CTSV: variants seen among roughly 807,000 people sequenced by gnomAD.
CTSV encodes the protein cathepsin V.
In CTSV, 33 loss-of-function variants were observed where a neutral mutation model predicts 35.6. The observed-to-expected ratio is 0.93, with a 90% confidence interval of 0.70 to 1.24. The LOEUF (loss-of-function observed/expected upper bound fraction) is 1.24, where lower values mean the gene tolerates loss of function less well. Among genes scored for constraint, CTSV ranks in the 50% most tolerant of loss-of-function variants. The pLI is 0.00. For synonymous variants in CTSV, 154 were observed against 147.1 expected, an observed-to-expected ratio of 1.05 and a Z score of -0.34; for missense variants, 408 against 413.1, an observed-to-expected ratio of 0.99 and a Z score of 0.11.
At chr9:97,037,808 T>A in intron 2 of CTSV, 110 bp downstream of exon 2, 1 of 1,462,430 alleles carries the variant, frequency 6.8e-7, no homozygotes, top group Non-Finnish European at 9.4e-7. Context: ...TGCTGTTAGG[T>A]TATTGCCTGG....
intron 5 of CTSV, 86 bp from the exon 6 acceptor site, chr9:97,035,779 T>C (rs756129345): frequency 1.1e-6 from 1 of 886,892 alleles, no homozygotes; most frequent in Non-Finnish European, 1.5e-6. Flanking sequence ...ACTCAGCAAT[T>C]TGCAACCTAG....
rs529873599 is a variant in CTSV, at chr9:97,030,683, G to A, written c.*2266C>T. ...GAAACAAAGGCATGGGGTCTGGCTA[G>A]TTATCTGCAGCAGGAACATGTCCTT... On this transcript the variant is annotated 3_prime_UTR_variant, in exon 8 of 8. Transcript: ENST00000259470. 4.5e-4 allele frequency: 69 copies of A among 152,336 alleles called. No homozygotes were observed. Among genetic ancestry groups the A allele is most frequent in the African/African-American group, 1.6e-3 (68 of 41,576 alleles). The allele number at this position is 152,336 out of a possible 1,614,324, so 9.4% of individuals were successfully genotyped here.
intron 2 of CTSV, 122 bp downstream of exon 2, chr9:97,037,796 G>C (rs1828881734): frequency 7.1e-7 from 1 of 1,405,942 alleles, no homozygotes; most frequent in Admixed American, 1.9e-5. Flanking sequence ...ACCTATAATG[G>C]GTGCTGTTAG....
At position 97,030,639 on chromosome 9, in the gene CTSV, A is replaced by G. The variant is rs1401018344; in HGVS notation, c.*2310T>C. ...GTTTCTATAGATTATAGATTAACTA[A>G]AAGTATTCCTTCCCAAACGAAACAA... On this transcript the variant is annotated 3_prime_UTR_variant, in exon 8 of 8. Coordinates refer to ENST00000259470, the MANE Select transcript of CTSV (RefSeq NM_001333.4). 1 of 152,224 alleles carries G rather than the reference A, an allele frequency of 6.6e-6. No homozygotes were observed. The highest frequency in any genetic ancestry group is 1.5e-5 in the Non-Finnish European group (1 of 68,044). The allele number at this position is 152,224 out of a possible 1,614,324, so 9.4% of individuals were successfully genotyped here.
intron 1 of CTSV, 62 bp from the exon 2 acceptor site, chr9:97,038,115 C>T: frequency 6.7e-7 from 1 of 1,495,878 alleles, no homozygotes; most frequent in Non-Finnish European, 9.2e-7. Flanking sequence ...TCTTACAGCC[C>T]CCGTGGAATA....
Position 97,031,523 on chromosome 9 carries a change from C to T in CTSV, c.*1426G>A, listed in dbSNP as rs908624963. On this transcript the variant is annotated 3_prime_UTR_variant, in exon 8 of 8. Transcript: ENST00000259470. ...ATAAAAATACATGCTTTTCACTAAA[C>T]GAGTTAAATAACCACCCATAATTCA... 3 of 152,182 alleles carry T rather than the reference C, an allele frequency of 2.0e-5. No individual in the cohort carries two copies. Among genetic ancestry groups the T allele is most frequent in the Admixed American group, 6.5e-5 (1 of 15,276 alleles). The allele number at this position is 152,182 out of a possible 1,614,324, so 9.4% of individuals were successfully genotyped here. A position where few individuals can be genotyped will look rare whatever the true frequency, so the allele number is the denominator to read the frequency against.
In CTSV at chr9:97,037,996, G is replaced by A. The variant is rs750596203; in HGVS notation, c.48C>T (p.Ser16=). ...VLAAFCLGIA[S]AVPKFDQNLD... ...AATTTTGGTCAAATTTTGGAACAGCGGAGGCTATTCCCAAGCAAAAGGCAG... is the reference window on the plus strand; with the variant it reads ...AATTTTGGTCAAATTTTGGAACAGCAGAGGCTATTCCCAAGCAAAAGGCAG... The change falls in exon 2 of 8, where the codon TCC becomes TCT. Residue 16 remains serine (S), a synonymous_variant. Transcript: ENST00000259470. 2.5e-6 allele frequency: 4 copies of A among 1,613,964 alleles called. No individual in the cohort carries two copies. Among genetic ancestry groups the A allele is most frequent in the African/African-American group, 1.3e-5 (1 of 74,994 alleles).
At chr9:97,036,939 T>C (rs777243064) in intron 4 of CTSV, among the ~76,000 whole-genome samples, 192 bp from the exon 5 acceptor site, 1 of 151,628 alleles carries the variant, frequency 6.6e-6, no homozygotes, top group Non-Finnish European at 1.5e-5. Flanking sequence ...ACCCTGTCGC[T>C]ACTAAAAATA....
At position 97,031,911 on chromosome 9, in the gene CTSV, G is replaced by A. The variant is rs142307050; in HGVS notation, c.*1038C>T. Reference sequence around the variant, plus strand: ...GAGCTAGGTGGAATATGTCATCAGAGACTTGGAATGAAAACAAAATACCCT... The same window carrying A: ...GAGCTAGGTGGAATATGTCATCAGAAACTTGGAATGAAAACAAAATACCCT... On this transcript the variant is annotated 3_prime_UTR_variant, in exon 8 of 8. Coordinates refer to ENST00000259470, the MANE Select transcript of CTSV (RefSeq NM_001333.4). 6.6e-6 allele frequency: 1 copy of A among 152,212 alleles called. No individual in the cohort carries two copies. Among genetic ancestry groups the A allele is most frequent in the African/African-American group, 2.4e-5 (1 of 41,452 alleles). 9.4% of individuals were successfully genotyped at this position (152,212 alleles called of 1,614,324 possible). A position where few individuals can be genotyped will look rare whatever the true frequency, so the allele number is the denominator to read the frequency against.
chr9:97,033,021 G>GCCATTCGAGCCCCATTCT lies in CTSV; in HGVS notation c.915_932dup (p.Glu306_Gly311dup), dbSNP rs1390330838. ...TCTTGTCTTTGGCTATTTTTACATA[G>GCCATTCGAGCCCCATTCT]CCATTCGAGCCCCATTCTGGACCCC... On this transcript the variant is annotated inframe_insertion, in exon 8 of 8. Coordinates refer to ENST00000259470, the MANE Select transcript of CTSV (RefSeq NM_001333.4). 1.2e-6 allele frequency: 2 copies of GCCATTCGAGCCCCATTCT among 1,612,938 alleles called. No homozygotes were observed. The highest frequency in any genetic ancestry group is 1.7e-6 in the Non-Finnish European group (2 of 1,179,554).
At position 97,037,488 on chromosome 9, in the gene CTSV, C is replaced by G. The variant is rs1162787598; in HGVS notation, c.249+5G>C. 6.2e-7 allele frequency: 1 copy of G among 1,614,064 alleles called. No individual in the cohort carries two copies. Among genetic ancestry groups the G allele is most frequent in the Non-Finnish European group, 8.5e-7 (1 of 1,180,026 alleles). ...ACAGAGTTCAGCAATCCTTGCCACA[C>G]TCACCATGTCACCAAAAGCATTCAT... is the stretch of plus-strand genomic sequence containing the variant. On this transcript the variant is annotated splice_donor_5th_base_variant and intron_variant, in intron 3 of 7. Coordinates refer to ENST00000259470, the MANE Select transcript of CTSV (RefSeq NM_001333.4).
Position 97,037,954 on chromosome 9 carries a change from G to C in CTSV, c.90C>G (p.Tyr30Ter), listed in dbSNP as rs772718072. The change falls in exon 2 of 8, where the codon TAC becomes TAG. Residue 30 changes from tyrosine to a stop codon, truncating the protein, a stop_gained. Coordinates refer to ENST00000259470, the MANE Select transcript of CTSV (RefSeq NM_001333.4). LOFTEE classifies it high-confidence loss of function. ...KFDQNLDTKWYQWKATHRRLY... is the reference protein window; with the variant it reads ...KFDQNLDTKW ...ATCTTCTGTGTGTTGCCTTCCACTG[G>C]TACCACTTTGTATCCAAATTTTGGT... The C allele has an allele frequency of 6.2e-7, 1 of 1,613,966 alleles. No homozygotes were observed. Among genetic ancestry groups the C allele is most frequent in the Non-Finnish European group, 8.5e-7 (1 of 1,180,010 alleles).
At position 97,034,805 on chromosome 9, in the gene CTSV, C is replaced by G; in HGVS notation, c.826G>C (p.Asp276His). The G allele has an allele frequency of 6.2e-7, 1 of 1,614,114 alleles. No homozygotes were observed. Residue 276 changes from aspartate (D) to histidine (H), a missense_variant, in exon 7 of 8, where the codon GAT (aspartate) becomes CAT (histidine). Asp to His is a moderately conservative substitution (Grantham distance 81). Transcript: ENST00000259470. ...FEPDCSSKNLDHGVLVVGYGF... is the reference protein window; with the variant it reads ...FEPDCSSKNLHHGVLVVGYGF... ...TAGCCAACCACCAGAACACCATGAT[C>G]CAGGTTTTTGCTGCTGCAGTCTGGT...
At chr9:97,036,815 A>T in intron 4 of CTSV, 68 bp from the exon 5 acceptor site, 1 of 1,276,122 alleles carries the variant, frequency 7.8e-7, no homozygotes, top group Non-Finnish European at 1.1e-6. Context: ...CCATAATTGA[A>T]TTACCTTAAT....
chr9:97,036,366 G>A (rs2119233738), intron 5 of CTSV, 157 bp downstream of exon 5: 2 of 695,008 alleles, frequency 2.9e-6, no homozygotes, highest in Non-Finnish European at 5.1e-6. Flanking sequence ...ACCACGCCTG[G>A]CCAAAGGCTA....
chr9:97,037,721 G>T, intron 2 of CTSV, 106 bp from the exon 3 acceptor site: 1 of 1,493,360 alleles, frequency 6.7e-7, no homozygotes, highest in South Asian at 1.3e-5. Context: ...GCCAGGGATG[G>T]GTTGATACTT....
Position 97,035,596 on chromosome 9 carries a change from A to T in CTSV, c.719T>A (p.Val240Asp). The change falls in exon 6 of 8, where the codon GTC (valine) becomes GAC (aspartate). Residue 240 changes from valine (V) to aspartate (D), a missense_variant. Physicochemically the swap from Val to Asp is radical, Grantham distance 152 (BLOSUM62 -3). Coordinates refer to ENST00000259470, the MANE Select transcript of CTSV (RefSeq NM_001333.4). ...AACGGAGATGGGCCCCACAGTTGCG[A>T]CTGCTTTCATCAGGGCCTTCTCCTT... ...PGKEKALMKA[V>D]ATVGPISVAM... is the part of the protein sequence containing the mutation. The T allele has an allele frequency of 6.2e-7, 1 of 1,605,950 alleles. No individual in the cohort carries two copies. The highest frequency in any genetic ancestry group is 1.1e-5 in the South Asian group (1 of 89,816).
intron 1 of CTSV, chr9:97,038,345 T>C (rs1828893167): frequency 7.5e-6 from 2 of 267,920 alleles, no homozygotes; most frequent in African/African-American, 2.2e-5. Flanking sequence ...TAGGAAAGAG[T>C]TGGTCCAGGT....
In CTSV at chr9:97,032,787, G is replaced by T; in HGVS notation, c.*162C>A. 1 of 495,892 alleles carries T rather than the reference G, an allele frequency of 2.0e-6. No homozygotes were observed. The highest frequency in any genetic ancestry group is 3.6e-6 in the Non-Finnish European group (1 of 281,276). The allele number at this position is 495,892 out of a possible 1,614,324, so 30.7% of individuals were successfully genotyped here. On this transcript the variant is annotated 3_prime_UTR_variant, in exon 8 of 8. Transcript: ENST00000259470. ...GTGTATAACAATAATTAAAGTAGTG[G>T]TAACATTTTACCCTTGTAAAAATGT...
Sources: gnomAD v4.1 joint callset for allele counts (sites outside exome capture counted in the v4.1 genomes callset) on GRCh38, gnomAD v4.1.1 for gene constraint, MANE v1.5 for transcripts, NCBI Gene and HGNC (gene_info 2026-07-23, HGNC 2026-07-21) for gene names.